TRIT1: variants seen among roughly 807,000 people sequenced by gnomAD.
The protein encoded by TRIT1 is tRNA dimethylallyltransferase.
Under a neutral mutation model 51.2 loss-of-function variants are expected in TRIT1, and 43 were observed. The ratio of observed to expected loss-of-function variants is 0.84; its 90% CI spans 0.66 to 1.08. TRIT1 has a LOEUF of 1.08. TRIT1 is among the 50% of genes least tolerant of loss of function. The pLI is 0.00. For synonymous variants in TRIT1, 184 were observed against 203.9 expected (o/e 0.90, Z 0.83); for missense variants, 528 against 578.4 (o/e 0.91, Z 0.89).
At chr1:39,857,226 C>G in intron 2 of TRIT1, 51 bp downstream of exon 2, 3 of 1,546,804 alleles carry the variant, frequency 1.9e-6, no homozygotes, top group Non-Finnish European at 2.6e-6. Flanking sequence ...TCTCTCTTGG[C>G]TTGGGCTGCT....
chr1:39,874,645 T>A (rs552508998), intron 1 of TRIT1, among the ~76,000 whole-genome samples: 16 of 152,242 alleles, frequency 1.1e-4, no homozygotes, highest in African/African-American at 2.6e-4. Context: ...TGGATTTTTT[T>A]AATAAGCATG....
At chr1:39,845,576 C>T (rs1316889270) in intron 8 of TRIT1, among the ~76,000 whole-genome samples, 2 of 152,230 alleles carry the variant, frequency 1.3e-5, no homozygotes, top group African/African-American at 4.8e-5. Context: ...AAAGGTGAGA[C>T]TAGGAGGGTG....
At chr1:39,852,646 T>G (rs533977026) in intron 4 of TRIT1, 85 bp downstream of exon 4, 1 of 1,510,314 alleles carries the variant, frequency 6.6e-7, no homozygotes, top group African/African-American at 1.4e-5. Context: ...TATTACCAAA[T>G]CTCTCTCATC....
At position 39,844,081 on chromosome 1, in the gene TRIT1, T is replaced by C. The variant is rs772935805; in HGVS notation, c.1234+20A>G. The stretch of plus-strand genomic sequence containing the variant: ...GAACCCACCCTTATAGATTTCTTCA[T>C]GCCCCTCCCCATACTCTACCTGCCC... On this transcript the variant is annotated intron_variant, in intron 10 of 10. Coordinates refer to ENST00000316891, the MANE Select transcript of TRIT1 (RefSeq NM_017646.6). 3 of 1,572,274 alleles carry C rather than the reference T, an allele frequency of 1.9e-6. No homozygotes were observed. Among genetic ancestry groups the C allele is most frequent in the Admixed American group, 3.4e-5 (2 of 59,680 alleles).
At chr1:39,871,401 G>A (rs1373210877) in intron 1 of TRIT1, among the ~76,000 whole-genome samples, 20 of 152,180 alleles carry the variant, frequency 1.3e-4, no homozygotes, top group Admixed American at 1.3e-3. Context: ...GGGCAACGTG[G>A]TGAAACCGTC....
chr1:39,841,356 T>C lies in TRIT1; in HGVS notation c.*388A>G, dbSNP rs1569945162. ...TCTACAAAAGCATCTGGAAATTAGA[T>C]AATTTTAGCCAGAGTCAGGGACATA... is the stretch of plus-strand genomic sequence containing the variant. On this transcript the variant is annotated 3_prime_UTR_variant, in exon 11 of 11. Coordinates refer to ENST00000316891, the MANE Select transcript of TRIT1 (RefSeq NM_017646.6). 1.3e-5 allele frequency: 2 copies of C among 156,424 alleles called. No homozygotes were observed. Among genetic ancestry groups the C allele is most frequent in the East Asian group, 3.7e-4 (2 of 5,374 alleles). 9.7% of individuals were successfully genotyped at this position (156,424 alleles called of 1,614,324 possible). A position where few individuals can be genotyped will look rare whatever the true frequency, so the allele number is the denominator to read the frequency against.
At chr1:39,855,920 G>A (rs1320597621) in intron 2 of TRIT1, among the ~76,000 whole-genome samples, 2 of 152,172 alleles carry the variant, frequency 1.3e-5, no homozygotes, top group Admixed American at 6.5e-5. Flanking sequence ...GCTCACACTT[G>A]TAATTCCAGC....
intron 1 of TRIT1, among the ~76,000 whole-genome samples, chr1:39,872,800 G>A (rs12135296): frequency 8.7e-6 from 1 of 114,410 alleles, no homozygotes; most frequent in Non-Finnish European, 1.7e-5. Context: ...GAGAAAGAGA[G>A]AGAAAGGAAG....
chr1:39,847,043 T>TG (rs1225566187), intron 8 of TRIT1, 177 bp downstream of exon 8: 3 of 571,196 alleles, frequency 5.3e-6, no homozygotes, highest in Admixed American at 3.3e-5. Flanking sequence ...TTTTTTTTTT[T>TG]TGTGACATCC....
intron 5 of TRIT1, among the ~76,000 whole-genome samples, chr1:39,849,543 A>G (rs1642437096): frequency 6.6e-6 from 1 of 152,216 alleles, no homozygotes; most frequent in Non-Finnish European, 1.5e-5. Context: ...ATAGACAGAC[A>G]GATAGTATCT....
chr1:39,867,961 T>C (rs971540510), intron 1 of TRIT1, among the ~76,000 whole-genome samples: 12 of 152,106 alleles, frequency 7.9e-5, no homozygotes, highest in African/African-American at 2.9e-4. Context: ...TTTTTTTTTT[T>C]CGAGATGGAG....
chr1:39,847,494 A>G (rs1173748579), intron 7 of TRIT1, 54 bp downstream of exon 7: 9 of 1,578,890 alleles, frequency 5.7e-6, no homozygotes, highest in Admixed American at 1.7e-5. Context: ...ATACCAGCAG[A>G]GTACCCTGCC....
At chr1:39,854,319 T>A (rs1324092613) in intron 2 of TRIT1, among the ~76,000 whole-genome samples, 1 of 152,176 alleles carries the variant, frequency 6.6e-6, no homozygotes, top group South Asian at 2.1e-4. Flanking sequence ...ACTTTCTAGG[T>A]CTTGCTGCTA....
chr1:39,870,969 G>T (rs560350493), intron 1 of TRIT1, among the ~76,000 whole-genome samples: 1 of 152,164 alleles, frequency 6.6e-6, no homozygotes, highest in African/African-American at 2.4e-5. Context: ...TGAGGAGGGC[G>T]GATCACCTGA....
chr1:39,865,288 C>G (rs971988724), intron 1 of TRIT1, among the ~76,000 whole-genome samples: 3 of 152,222 alleles, frequency 2.0e-5, no homozygotes, highest in Non-Finnish European at 4.4e-5. Flanking sequence ...CTGAGGCCAG[C>G]CACTGATCTA....
At chr1:39,847,694 T>C in intron 6 of TRIT1, 34 bp from the exon 7 acceptor site, 1 of 1,614,022 alleles carries the variant, frequency 6.2e-7, no homozygotes, top group Non-Finnish European at 8.5e-7. Flanking sequence ...GATAAGCCAT[T>C]GCTCCTAAAA....
chr1:39,851,388 G>A (rs1372896218), intron 4 of TRIT1, among the ~76,000 whole-genome samples: 2 of 152,010 alleles, frequency 1.3e-5, no homozygotes, highest in East Asian at 3.9e-4. Context: ...TAAAAGGAGA[G>A]AATAAACACC....
In TRIT1 at chr1:39,838,466, T is replaced by C. The variant is rs902060924; in HGVS notation, c.*3278A>G. On this transcript the variant is annotated 3_prime_UTR_variant, in exon 11 of 11. Coordinates refer to ENST00000316891, the MANE Select transcript of TRIT1 (RefSeq NM_017646.6). The stretch of plus-strand genomic sequence containing the variant: ...ATGCATGTGTGTTTGGGGGAGGGGG[T>C]TGTTAGTTTTATTTTCTTTTTGAGC... Among the ~76,000 whole-genome samples the C allele has an allele frequency of 1.3e-5, 2 of 151,330 alleles. No individual in the cohort carries two copies. The highest frequency in any genetic ancestry group is 2.9e-5 in the Non-Finnish European group (2 of 67,832).
At chr1:39,873,151 A>G (rs1276972041) in intron 1 of TRIT1, among the ~76,000 whole-genome samples, 1 of 152,202 alleles carries the variant, frequency 6.6e-6, no homozygotes, top group African/African-American at 2.4e-5. Context: ...CTGTCATTTT[A>G]TGGAAATGGA....
Sources: gnomAD v4.1 joint callset for allele counts (sites outside exome capture counted in the v4.1 genomes callset) on GRCh38, gnomAD v4.1.1 for gene constraint, MANE v1.5 for transcripts, NCBI Gene and HGNC (gene_info 2026-07-23, HGNC 2026-07-21) for gene names.